The following LMNTD1 variants were observed in gnomAD, a reference collection of about 807,000 sequenced individuals.
LMNTD1 encodes lamin tail domain containing 1.
Under a neutral mutation model 50.9 loss-of-function variants are expected in LMNTD1, and 35 were observed. The ratio of observed to expected loss-of-function variants is 0.69; its 90% CI spans 0.53 to 0.91. LMNTD1 has a LOEUF of 0.91. Among genes scored for constraint, LMNTD1 ranks in the 40% least tolerant of loss-of-function variants. The pLI, the probability that LMNTD1 is intolerant of heterozygous loss-of-function variation, is 0.00. For synonymous variants in LMNTD1, 153 were observed against 161.9 expected (o/e 0.94, Z 0.42); for missense variants, 470 against 475.5 (o/e 0.99, Z 0.11).
intron 1 of LMNTD1, among the ~76,000 whole-genome samples, chr12:25,587,758 A>G (rs1346673838): frequency 6.6e-6 from 1 of 152,350 alleles, no homozygotes; most frequent in South Asian, 2.1e-4. Context: ...TTCCTTTTTA[A>G]TGGTTAAGGG....
At chr12:25,635,331 A>G (rs1946809404) in intron 1 of LMNTD1, among the ~76,000 whole-genome samples, 1 of 151,934 alleles carries the variant, frequency 6.6e-6, no homozygotes, top group Non-Finnish European at 1.5e-5. Context: ...TAGCTCTTTT[A>G]TACACCAACA....
chr12:25,482,605 C>G (rs977200485), intron 9 of LMNTD1, among the ~76,000 whole-genome samples: 9 of 151,874 alleles, frequency 5.9e-5, no homozygotes, highest in African/African-American at 2.2e-4. Context: ...AAAATTTAAG[C>G]GTTAGAAACA....
chr12:25,568,024 T>C (rs1429518874), intron 1 of LMNTD1, among the ~76,000 whole-genome samples: 2 of 152,086 alleles, frequency 1.3e-5, no homozygotes, highest in East Asian at 3.9e-4. Flanking sequence ...ATAGAAAGAT[T>C]AGGGAAAGTT....
intron 1 of LMNTD1, among the ~76,000 whole-genome samples, chr12:25,600,002 T>C (rs549228450): frequency 3.3e-5 from 5 of 150,768 alleles, no homozygotes; most frequent in Admixed American, 2.0e-4. Context: ...TTATGCAAAG[T>C]AAAAAGAACA....
chr12:25,614,659 A>G (rs556365697), intron 1 of LMNTD1, among the ~76,000 whole-genome samples: 9 of 152,354 alleles, frequency 5.9e-5, no homozygotes, highest in East Asian at 1.9e-4. Context: ...GGCAGATTGC[A>G]GAGTCTAGCA....
At chr12:25,612,812 C>A (rs1038332603) in intron 1 of LMNTD1, among the ~76,000 whole-genome samples, 3 of 152,158 alleles carry the variant, frequency 2.0e-5, no homozygotes, top group African/African-American at 2.4e-5. Context: ...ATTTCTGGAA[C>A]CTGTGAAAGT....
chr12:25,514,744 T>C (rs1940625222), intron 8 of LMNTD1, among the ~76,000 whole-genome samples: 1 of 152,112 alleles, frequency 6.6e-6, no homozygotes, highest in African/African-American at 2.4e-5. Flanking sequence ...TATAAGCACA[T>C]AACTTTATTA....
chr12:25,518,733 G>A lies in LMNTD1; in HGVS notation c.1189+62C>T, dbSNP rs944674220. ...CACATTTTAACCACTTAACCCACTA[G>A]TTAACACATGTGCATGCACACACAC... is the stretch of plus-strand genomic sequence containing the variant. On this transcript the variant is annotated intron_variant, in intron 8 of 9. Coordinates refer to ENST00000458174, the MANE Select transcript of LMNTD1 (RefSeq NM_001145728.2). 3 of 1,453,040 alleles carry A rather than the reference G, an allele frequency of 2.1e-6. No individual in the cohort carries two copies. The African/African-American group carries it at 4.2e-5, about 20-fold the overall frequency. 90.0% of individuals were successfully genotyped at this position (1,453,040 alleles called of 1,614,324 possible).
At chr12:25,584,487 C>T (rs1213954886) in intron 1 of LMNTD1, among the ~76,000 whole-genome samples, 4 of 152,136 alleles carry the variant, frequency 2.6e-5, no homozygotes, top group Non-Finnish European at 5.9e-5. Context: ...TTCTAATGCA[C>T]GGATTTTATA....
intron 1 of LMNTD1, among the ~76,000 whole-genome samples, chr12:25,637,788 T>C (rs1463259815): frequency 2.0e-5 from 3 of 151,968 alleles, no homozygotes; most frequent in Admixed American, 6.6e-5. Context: ...CCCTTTTTTT[T>C]CCAAAAAAGA....
intron 9 of LMNTD1, among the ~76,000 whole-genome samples, chr12:25,483,427 T>A (rs557580664): frequency 6.6e-6 from 1 of 151,080 alleles, no homozygotes; most frequent in African/African-American, 2.4e-5. Context: ...GTCTCAAAAA[T>A]TTATATTAAA....
At chr12:25,509,866 T>C (rs1313813415) in intron 8 of LMNTD1, among the ~76,000 whole-genome samples, 3 of 152,104 alleles carry the variant, frequency 2.0e-5, no homozygotes, top group Admixed American at 2.0e-4. Context: ...ACTAAGAAGA[T>C]GCAAGGAAAG....
intron 8 of LMNTD1, among the ~76,000 whole-genome samples, chr12:25,514,762 AATT>A (rs775603192): frequency 5.9e-5 from 9 of 152,138 alleles, no homozygotes; most frequent in South Asian, 2.1e-4. Flanking sequence ...TTATTATGAG[AATT>A]ATTATGAGAT....
chr12:25,605,942 A>G (rs1034059512), intron 1 of LMNTD1, among the ~76,000 whole-genome samples: 2 of 152,144 alleles, frequency 1.3e-5, no homozygotes, highest in Non-Finnish European at 2.9e-5. Flanking sequence ...CCATTTTCAC[A>G]ATATTGATTC....
chr12:25,525,560 G>T (rs913003073), intron 6 of LMNTD1, among the ~76,000 whole-genome samples: 3 of 152,084 alleles, frequency 2.0e-5, no homozygotes, highest in African/African-American at 7.2e-5. Context: ...GGCTTCTTAG[G>T]AATATGAGAT....
At chr12:25,548,687 C>G (rs1943572355) in intron 3 of LMNTD1, among the ~76,000 whole-genome samples, 1 of 151,858 alleles carries the variant, frequency 6.6e-6, no homozygotes, top group African/African-American at 2.4e-5. Flanking sequence ...TTTCAGTAAA[C>G]CACGGAAACA....
In LMNTD1 at chr12:25,526,993, G is replaced by C. The variant is rs376065939; in HGVS notation, c.492-38C>G. ...ACACAAAGATTGTAAGCTGCCTTCA[G>C]ATAGGAGTGTCTTTGACTCACTTTA... On this transcript the variant is annotated intron_variant, in intron 4 of 9. Coordinates refer to ENST00000458174, the MANE Select transcript of LMNTD1 (RefSeq NM_001145728.2). The C allele has an allele frequency of 2.3e-5, 33 of 1,462,896 alleles. No homozygotes were observed. In the African/African-American group the frequency reaches 4.2e-4, roughly 19 times the overall value. The allele number at this position is 1,462,896 out of a possible 1,614,324, so 90.6% of individuals were successfully genotyped here.
chr12:25,543,635 T>G (rs191478362), intron 4 of LMNTD1, among the ~76,000 whole-genome samples: 15 of 144,596 alleles, frequency 1.0e-4, no homozygotes, highest in African/African-American at 3.2e-4. Context: ...TTTCAGTTTG[T>G]TTTTTTTTTC....
In LMNTD1 at chr12:25,522,430, G is replaced by A. The variant is rs147569344; in HGVS notation, c.799-2355C>T. Among the ~76,000 whole-genome samples the A allele has an allele frequency of 4.0e-3, 603 of 152,118 alleles. 5 individuals are homozygous for A. The highest frequency in any genetic ancestry group is 0.011 in the African/African-American group (464 of 41,498). ...AATTTAGCCTCAGCTCTAGAATGTC[G>A]GCCACATGAAACTTACAAACTATTT... is the stretch of plus-strand genomic sequence containing the variant. On this transcript the variant is annotated intron_variant, in intron 6 of 9. Transcript: ENST00000458174.
Sources: allele counts gnomAD v4.1 joint callset (sites outside exome capture counted in the v4.1 genomes callset), GRCh38; gene constraint gnomAD v4.1.1; transcripts MANE v1.5; gene names NCBI Gene and HGNC (gene_info 2026-07-23, HGNC 2026-07-21).